The following FAM210A variants were observed in gnomAD, a reference collection of about 807,000 sequenced individuals.
The protein encoded by FAM210A is mitochondrial inner membrane scaffold 1, also known as family with sequence similarity 210 member A.
FAM210A carries 13 observed loss-of-function variants against 25.3 expected under a neutral mutation model. The ratio of observed to expected loss-of-function variants is 0.51; its 90% confidence interval spans 0.33 to 0.82. FAM210A has a LOEUF of 0.82. FAM210A is among the 40% of genes least tolerant of loss of function. FAM210A has a pLI of 0.02. For missense variants in FAM210A, 319 were observed against 323.2 expected (o/e 0.99, Z 0.10); for synonymous variants, 125 against 118.7 (o/e 1.05, Z -0.35).
chr18:13,689,597 A>G (rs1374955846), intron 1 of FAM210A, among the ~76,000 whole-genome samples: 1 of 152,232 alleles, frequency 6.6e-6, no homozygotes, highest in African/African-American at 2.4e-5. Context: ...GGAACAAGGC[A>G]AAGATGACAG....
In FAM210A at chr18:13,726,312, G is replaced by A. The variant is rs1477277014; in HGVS notation, c.-29+17C>T. The A allele has an allele frequency of 6.5e-6, 1 of 153,590 alleles. No individual in the cohort carries two copies. The highest frequency in any genetic ancestry group is 6.5e-5 in the Admixed American group (1 of 15,298). 9.5% of individuals were successfully genotyped at this position (153,590 alleles called of 1,614,324 possible). A position where few individuals can be genotyped will look rare whatever the true frequency, so the allele number is the denominator to read the frequency against. On this transcript the variant is annotated intron_variant, in intron 1 of 3. Coordinates refer to ENST00000651643, the MANE Select transcript of FAM210A (RefSeq NM_152352.4). The stretch of plus-strand genomic sequence containing the variant: ...AGACCCCTCCCGCTGCCCCACAGAG[G>A]CCTGGGCCCATGCTACCTCTTAGGA...
At chr18:13,674,808 TC>T (rs2043477245) in intron 2 of FAM210A, among the ~76,000 whole-genome samples, 1 of 138,566 alleles carries the variant, frequency 7.2e-6, no homozygotes, top group Admixed American at 7.1e-5. Flanking sequence ...AGCCCCGACT[TC>T]ATTTCCAGTT....
intron 3 of FAM210A, among the ~76,000 whole-genome samples, chr18:13,671,230 C>G (rs1265321473): frequency 6.6e-6 from 1 of 152,110 alleles, no homozygotes; most frequent in Non-Finnish European, 1.5e-5. Context: ...CTTCTTCCTT[C>G]TCCCTTCCTT....
At chr18:13,667,016 A>T (rs1013735403) in intron 3 of FAM210A, among the ~76,000 whole-genome samples, 6 of 152,226 alleles carry the variant, frequency 3.9e-5, no homozygotes, top group Admixed American at 3.3e-4. Flanking sequence ...TGGAAATCAG[A>T]AAGAGGACTC....
At chr18:13,677,820 T>C (rs764120239) in intron 2 of FAM210A, among the ~76,000 whole-genome samples, 3 of 152,122 alleles carry the variant, frequency 2.0e-5, no homozygotes, top group African/African-American at 7.2e-5. Flanking sequence ...AGATCTATTA[T>C]GATAACGGTA....
intron 1 of FAM210A, among the ~76,000 whole-genome samples, chr18:13,717,925 C>T (rs762163027): frequency 3.3e-5 from 5 of 152,122 alleles, no homozygotes; most frequent in African/African-American, 7.2e-5. Flanking sequence ...CGGACAGGGC[C>T]GCATACGGGG....
chr18:13,704,066 T>C (rs1278187696), intron 1 of FAM210A, among the ~76,000 whole-genome samples: 5 of 152,134 alleles, frequency 3.3e-5, no homozygotes, highest in African/African-American at 4.8e-5. Flanking sequence ...ATGCCATAGA[T>C]GGTCTAAGTT....
rs750403829 is a variant in FAM210A at position 13,666,531 on chromosome 18, T to C, written c.768A>G (p.Glu256=). Residue 256 remains glutamate (E), a synonymous_variant, in exon 4 of 4, where the codon GAA becomes GAG. Coordinates refer to ENST00000651643, the MANE Select transcript of FAM210A (RefSeq NM_152352.4). ...KMEETKDRLT[E]KLQETKEKVS... is the part of the protein sequence containing the mutation. Reference sequence around the variant, plus strand: ...CTTTTTCTTTGGTTTCTTGTAACTTTTCAGTGAGTCTATCTTTTGTTTCTT... The same window carrying C: ...CTTTTTCTTTGGTTTCTTGTAACTTCTCAGTGAGTCTATCTTTTGTTTCTT... The C allele has an allele frequency of 8.7e-6, 14 of 1,614,220 alleles. No homozygotes were observed. The highest frequency in any genetic ancestry group is 1.1e-5 in the Non-Finnish European group (13 of 1,180,034).
chr18:13,681,801 T>G lies in FAM210A; in HGVS notation c.277A>C (p.Arg93=), dbSNP rs1168138053. The G allele has an allele frequency of 1.2e-6, 2 of 1,614,238 alleles. No homozygotes were observed. Among genetic ancestry groups the G allele is most frequent in the Non-Finnish European group, 1.7e-6 (2 of 1,180,044 alleles). ...HKQGKQHVSF[R]RVFSSSATAQ... is the part of the protein sequence containing the mutation. The stretch of plus-strand genomic sequence containing the variant: ...GTGGCACTGGATGAAAAAACCCTCC[T>G]GAATGAAACATGTTGCTTCCCTTGC... Residue 93 remains arginine, a synonymous_variant, in exon 2 of 4, where the codon AGG becomes CGG. Coordinates refer to ENST00000651643, the MANE Select transcript of FAM210A (RefSeq NM_152352.4).
In FAM210A at chr18:13,673,266, GATT is replaced by G. The variant is rs536426289; in HGVS notation, c.474-1296_474-1294del. On this transcript the variant is annotated intron_variant, in intron 2 of 3. Coordinates refer to ENST00000651643, the MANE Select transcript of FAM210A (RefSeq NM_152352.4). Reference sequence around the variant, plus strand: ...GCCCCGACTTCATTTCCAGTTTCCTGATTATTAACATTCCTGAGCCCCGACTTC... The same window carrying G: ...GCCCCGACTTCATTTCCAGTTTCCTGATTAACATTCCTGAGCCCCGACTTC... Among the ~76,000 whole-genome samples, 21 of 146,420 alleles carry G rather than the reference GATT, an allele frequency of 1.4e-4. No individual in the cohort carries two copies. The East Asian group carries it at 3.5e-3, about 25-fold the overall frequency.
At chr18:13,707,624 A>G (rs1273230071) in intron 1 of FAM210A, among the ~76,000 whole-genome samples, 1 of 152,260 alleles carries the variant, frequency 6.6e-6, no homozygotes, top group Non-Finnish European at 1.5e-5. Context: ...GGAACTGTTA[A>G]AGCAAACTAA....
intron 1 of FAM210A, among the ~76,000 whole-genome samples, chr18:13,723,063 G>A (rs2043909655): frequency 6.6e-6 from 1 of 152,142 alleles, no homozygotes; most frequent in Admixed American, 6.5e-5. Context: ...CGATTAAAAT[G>A]TTCTAAGGTA....
chr18:13,722,193 A>G (rs974554039), intron 1 of FAM210A, among the ~76,000 whole-genome samples: 1 of 151,780 alleles, frequency 6.6e-6, no homozygotes, highest in African/African-American at 2.4e-5. Flanking sequence ...CACCTACCCA[A>G]TTAGGACCCC....
rs2043718038 is a variant in FAM210A, at chr18:13,699,029, CA to C, written c.-28-16925del. 2.0e-5 allele frequency among the ~76,000 whole-genome samples: 3 copies of C among 152,300 alleles called. No individual in the cohort carries two copies. The South Asian group carries it at 6.2e-4, about 32-fold the overall frequency. On this transcript the variant is annotated intron_variant, in intron 1 of 3. Transcript: ENST00000651643. ...CTCGCTATGTTGCCCAGGCTGGTCT[CA>C]AACTCCTGACCTCACGCAATCCCAC...
At chr18:13,677,116 C>T (rs1008005186) in intron 2 of FAM210A, among the ~76,000 whole-genome samples, 3 of 151,392 alleles carry the variant, frequency 2.0e-5, no homozygotes, top group African/African-American at 7.3e-5. Flanking sequence ...GCTCTGTCGC[C>T]CAGGCTGGAG....
intron 1 of FAM210A, among the ~76,000 whole-genome samples, chr18:13,706,606 T>C (rs1203364554): frequency 6.6e-6 from 1 of 152,160 alleles, no homozygotes; most frequent in Non-Finnish European, 1.5e-5. Flanking sequence ...AAGGGCAATG[T>C]TTGTTAGGTC....
intron 1 of FAM210A, among the ~76,000 whole-genome samples, chr18:13,688,252 C>T (rs34023978): frequency 0.24 from 36,141 of 152,172 alleles, 5,372 homozygotes; most frequent in Non-Finnish European, 0.34. Context: ...TGTGTGCCCG[C>T]TCTCTCCCAA....
chr18:13,719,726 TAA>T (rs10617536), intron 1 of FAM210A, among the ~76,000 whole-genome samples: 19,327 of 149,668 alleles, frequency 0.13, 1,375 homozygotes, highest in African/African-American at 0.19. Context: ...TTACATGAAT[TAA>T]AAAAAAAAAA....
At chr18:13,682,163 A>AT (rs1206602018) in intron 1 of FAM210A, 58 bp from the exon 2 acceptor site, 16 of 1,151,982 alleles carry the variant, frequency 1.4e-5, no homozygotes, top group South Asian at 4.6e-5. Flanking sequence ...TTTTAAATCA[A>AT]TTCATTTGAA....
Sources: allele counts gnomAD v4.1 joint callset (sites outside exome capture counted in the v4.1 genomes callset), GRCh38; gene constraint gnomAD v4.1.1; transcripts MANE v1.5; gene names NCBI Gene and HGNC (gene_info 2026-07-23, HGNC 2026-07-21).